Variants in SPAST observed in about 807,000 individuals in gnomAD.
The protein encoded by SPAST is spastin, also known as spastic paraplegia 4 (autosomal dominant; spastin).
A neutral mutation model predicts 76.6 loss-of-function variants in SPAST; 30 were observed. The ratio of observed to expected loss-of-function variants is 0.39; its 90% CI spans 0.29 to 0.53. The LOEUF is 0.53. Ranked by LOEUF, SPAST falls within the 20% of genes least tolerant of loss-of-function variation. The pLI, the probability that SPAST is intolerant of heterozygous loss-of-function variation, is 0.68. For missense variants in SPAST, 717 were observed against 770.5 expected, an observed-to-expected ratio of 0.93 and a Z score of 0.82; for synonymous variants, 305 against 281.0, an observed-to-expected ratio of 1.09 and a Z score of -0.86.
intron 16 of SPAST, among the ~76,000 whole-genome samples, chr2:32,153,386 G>A (rs1007994932): frequency 2.2e-5 from 3 of 137,468 alleles, no homozygotes; most frequent in Non-Finnish European, 4.5e-5. Context: ...GCAATGGCAC[G>A]ATCTCGGCTC....
At chr2:32,070,536 G>A (rs544714573) in intron 1 of SPAST, among the ~76,000 whole-genome samples, 5 of 152,176 alleles carry the variant, frequency 3.3e-5, no homozygotes, top group Non-Finnish European at 7.3e-5. Flanking sequence ...GTACAGCTCT[G>A]CATTTTAGAT....
chr2:32,068,692 G>T (rs1009158468), intron 1 of SPAST, among the ~76,000 whole-genome samples: 2 of 152,058 alleles, frequency 1.3e-5, no homozygotes, highest in Admixed American at 1.3e-4. Context: ...AATTAGTTCA[G>T]ACTGAAACGG....
intron 1 of SPAST, among the ~76,000 whole-genome samples, chr2:32,075,412 C>T (rs1281274433): frequency 1.9e-5 from 2 of 108,100 alleles, no homozygotes; most frequent in Admixed American, 1.4e-4. Context: ...GGCCACAGAG[C>T]GAGACTCTGT....
At chr2:32,130,021 C>A in intron 9 of SPAST, 1 of 152,896 alleles carries the variant, frequency 6.5e-6, no homozygotes. Flanking sequence ...CAAGGGGGGG[C>A]ATGGTGGCTA....
At chr2:32,119,020 A>T (rs1250572320) in intron 7 of SPAST, among the ~76,000 whole-genome samples, 1 of 152,216 alleles carries the variant, frequency 6.6e-6, no homozygotes, top group African/African-American at 2.4e-5. Context: ...GTTATTTCAA[A>T]TAAAGTTGAA....
At chr2:32,095,963 A>G (rs1162420667) in intron 3 of SPAST, among the ~76,000 whole-genome samples, 13 of 152,160 alleles carry the variant, frequency 8.5e-5, no homozygotes. Context: ...GGAAGCCACT[A>G]AAGGGTTTTA....
At chr2:32,077,390 G>A (rs534592850) in intron 1 of SPAST, among the ~76,000 whole-genome samples, 5 of 152,158 alleles carry the variant, frequency 3.3e-5, no homozygotes, top group East Asian at 1.9e-4. Context: ...GGAGAAGGAG[G>A]ATTTAAGTTA....
intron 4 of SPAST, among the ~76,000 whole-genome samples, chr2:32,100,968 A>G (rs969388880): frequency 3.9e-5 from 6 of 152,200 alleles, no homozygotes; most frequent in African/African-American, 1.4e-4. Context: ...TCCTTTGGGT[A>G]TATACCCAGT....
At chr2:32,082,934 T>G (rs1398461503) in intron 1 of SPAST, among the ~76,000 whole-genome samples, 1 of 152,196 alleles carries the variant, frequency 6.6e-6, no homozygotes, top group Non-Finnish European at 1.5e-5. Context: ...TTGGGTTGTT[T>G]CCTGTTTTTG....
chr2:32,095,588 A>C (rs1677885640), intron 3 of SPAST, among the ~76,000 whole-genome samples: 1 of 150,258 alleles, frequency 6.7e-6, no homozygotes, highest in African/African-American at 2.5e-5. Context: ...AAAAAAAAAT[A>C]GCCAGGAGTG....
chr2:32,082,005 CTT>C lies in SPAST; in HGVS notation c.416-5465_416-5464del, dbSNP rs35493322. 8.7e-3 allele frequency among the ~76,000 whole-genome samples: 622 copies of C among 71,230 alleles called. 6 individuals are homozygous for C. Among genetic ancestry groups the C allele is most frequent in the African/African-American group, 0.027 (516 of 19,058 alleles). The allele number at this position is 71,230 out of a possible 152,430, so 46.7% of individuals were successfully genotyped here. On this transcript the variant is annotated intron_variant, in intron 1 of 16. Coordinates refer to ENST00000315285, the MANE Select transcript of SPAST (RefSeq NM_014946.4). Reference sequence around the variant, plus strand: ...TAAAACTTTTTTTCTAGTTCTCTCTCTTTTTTTTTTTTTTTTTTTTTTTGAGA... The same window carrying C: ...TAAAACTTTTTTTCTAGTTCTCTCTCTTTTTTTTTTTTTTTTTTTTTGAGA...
At chr2:32,081,286 G>A (rs1677211832) in intron 1 of SPAST, among the ~76,000 whole-genome samples, 1 of 151,162 alleles carries the variant, frequency 6.6e-6, no homozygotes, top group Non-Finnish European at 1.5e-5. Context: ...AGTAGAGATG[G>A]GGCTTCACTG....
intron 4 of SPAST, among the ~76,000 whole-genome samples, chr2:32,112,268 C>T (rs1678644186): frequency 1.3e-5 from 2 of 151,430 alleles, no homozygotes; most frequent in Non-Finnish European, 2.9e-5. Context: ...TTATTATTGA[C>T]TATTGATGCC....
chr2:32,097,729 T>C (rs1352888366), intron 3 of SPAST, among the ~76,000 whole-genome samples: 1 of 148,790 alleles, frequency 6.7e-6, no homozygotes, highest in Non-Finnish European at 1.5e-5. Context: ...AGTCTCGCTC[T>C]GTCACCCAGG....
At chr2:32,110,551 CTATA>C (rs1210344510) in intron 4 of SPAST, among the ~76,000 whole-genome samples, 1 of 54,184 alleles carries the variant, frequency 1.8e-5, no homozygotes, top group Non-Finnish European at 3.6e-5. Flanking sequence ...TATATATATA[CTATA>C]TAGTGTGTAT....
chr2:32,143,258 C>A lies in SPAST; in HGVS notation c.1537-78C>A. The A allele has an allele frequency of 4.6e-6, 4 of 865,108 alleles. No homozygotes were observed. In the Admixed American group the frequency reaches 6.0e-5, roughly 13 times the overall value. 53.6% of individuals were successfully genotyped at this position (865,108 alleles called of 1,614,324 possible). On this transcript the variant is annotated intron_variant, in intron 13 of 16. Transcript: ENST00000315285. ...CTCCAGCCTGGGTAACAGCACAAGA[C>A]CCTGTCTCAATATAAAAAAAGAAAA...
intron 3 of SPAST, among the ~76,000 whole-genome samples, chr2:32,091,045 A>G (rs1255231721): frequency 2.0e-5 from 3 of 151,800 alleles, no homozygotes; most frequent in Non-Finnish European, 2.9e-5. Flanking sequence ...GTAGGTTTTA[A>G]ATATATATTA....
chr2:32,139,579 G>T (rs6719805), intron 12 of SPAST, among the ~76,000 whole-genome samples: 9,027 of 152,188 alleles, frequency 0.059, 283 homozygotes, highest in Middle Eastern at 0.099. Context: ...TGTAATCCCA[G>T]CACTTTGGGA....
intron 7 of SPAST, among the ~76,000 whole-genome samples, chr2:32,116,520 C>T (rs1467556931): frequency 6.6e-6 from 1 of 152,080 alleles, no homozygotes; most frequent in Non-Finnish European, 1.5e-5. Context: ...GGCTGGAGTG[C>T]AGTGGCATGA....
Sources: allele counts gnomAD v4.1 joint callset (sites outside exome capture counted in the v4.1 genomes callset), GRCh38; gene constraint gnomAD v4.1.1; transcripts MANE v1.5; gene names NCBI Gene and HGNC (gene_info 2026-07-23, HGNC 2026-07-21).